Variants in TIAM1 observed in about 807,000 individuals in gnomAD.
TIAM1 encodes TIAM Rac1 associated GEF 1.
In TIAM1, 65 loss-of-function variants were observed where a neutral mutation model predicts 163.5. The observed-to-expected ratio is 0.40, with a 90% CI of 0.33 to 0.49. The LOEUF is 0.49. Ranked by LOEUF, TIAM1 falls within the 20% of genes least tolerant of loss-of-function variation. The pLI is 0.77. For synonymous variants in TIAM1, 833 were observed against 810.1 expected, an observed-to-expected ratio of 1.03 and a Z score of -0.48; for missense variants, 1,789 against 2,044.7, an observed-to-expected ratio of 0.87 and a Z score of 2.41.
At chr21:31,194,020 A>T (rs1030868047) in intron 13 of TIAM1, among the ~76,000 whole-genome samples, 2 of 152,184 alleles carry the variant, frequency 1.3e-5, no homozygotes, top group African/African-American at 4.8e-5. Context: ...TATGTAAATC[A>T]GACACCGCCT....
Position 31,266,864 on chromosome 21 carries a change from G to A in TIAM1, c.109C>T (p.Arg37Trp), listed in dbSNP as rs776137189. The change falls in exon 4 of 28, where the codon CGG (arginine) becomes TGG (tryptophan). Residue 37 changes from arginine (R) to tryptophan (W), a missense_variant. Physicochemically the swap from Arg to Trp is moderately radical, Grantham distance 101. Transcript: ENST00000541036. ...SRSLRLSHKT[R>W]RTRHASSGKV... ...CCCGAGGAAGCGTGCCTGGTCCTCC[G>A]CGTCTTGTGCGAGAGGCGCAGGGAG... is the stretch of plus-strand genomic sequence containing the variant. The A allele has an allele frequency of 2.4e-5, 38 of 1,614,020 alleles. No homozygotes were observed. Among genetic ancestry groups the A allele is most frequent in the Admixed American group, 1.5e-4 (9 of 60,004 alleles).
intron 15 of TIAM1, among the ~76,000 whole-genome samples, chr21:31,176,590 C>T (rs2084775042): frequency 6.6e-6 from 1 of 152,132 alleles, no homozygotes; most frequent in African/African-American, 2.4e-5. Context: ...ATTCAGCAGG[C>T]TTCCCTCGTA....
chr21:31,155,748 G>A (rs531107208), intron 16 of TIAM1, among the ~76,000 whole-genome samples: 12 of 152,180 alleles, frequency 7.9e-5, no homozygotes, highest in Non-Finnish European at 1.5e-4. Context: ...TGATCCACCC[G>A]CCTTGGCCTC....
chr21:31,266,488 G>C lies in TIAM1; in HGVS notation c.485C>G (p.Thr162Arg). 1 of 1,614,152 alleles carries C rather than the reference G, an allele frequency of 6.2e-7. No homozygotes were observed. The highest frequency in any genetic ancestry group is 1.1e-5 in the South Asian group (1 of 91,084). ...YTSNGPTFMETASFKKKRSKS... is the reference protein window; with the variant it reads ...YTSNGPTFMERASFKKKRSKS... ...GGAGCGTTTCTTCTTAAAGCTCGCC[G>C]TCTCCATGAAAGTGGGCCCATTGGA... Residue 162 changes from threonine to arginine, a missense_variant, in exon 4 of 28, where the codon ACG (threonine) becomes AGG (arginine). Physicochemically the swap from Thr to Arg is moderately conservative, Grantham distance 71. This residue lies in a region of TIAM1 where 555 missense variants were observed against 564.9 expected (regional missense o/e 0.98). Coordinates refer to ENST00000541036, the MANE Select transcript of TIAM1 (RefSeq NM_001353694.2).
At chr21:31,241,181 G>C (rs1243739418) in intron 6 of TIAM1, among the ~76,000 whole-genome samples, 1 of 152,088 alleles carries the variant, frequency 6.6e-6, no homozygotes, top group Non-Finnish European at 1.5e-5. Flanking sequence ...CCAGTCTCGG[G>C]TATGTCTTTA....
intron 1 of TIAM1, among the ~76,000 whole-genome samples, chr21:31,501,961 G>A (rs533536674): frequency 5.3e-5 from 8 of 152,260 alleles, no homozygotes; most frequent in East Asian, 3.9e-4. Flanking sequence ...TGGGACCAAC[G>A]GGCTGAATGC....
intron 2 of TIAM1, among the ~76,000 whole-genome samples, chr21:31,396,927 C>T (rs1226292829): frequency 4.6e-5 from 7 of 152,066 alleles, no homozygotes; most frequent in South Asian, 2.1e-4. Flanking sequence ...CCAGCCTGGG[C>T]GACAGAGTGA....
At chr21:31,438,648 C>A (rs781656930) in intron 2 of TIAM1, among the ~76,000 whole-genome samples, 2 of 152,272 alleles carry the variant, frequency 1.3e-5, no homozygotes, top group East Asian at 3.9e-4. Context: ...TGCTCTCTCC[C>A]CCAAGTCCTC....
intron 2 of TIAM1, among the ~76,000 whole-genome samples, chr21:31,439,067 T>C (rs866101397): frequency 3.9e-5 from 6 of 152,208 alleles, no homozygotes; most frequent in Admixed American, 1.3e-4. Flanking sequence ...TTACCTGATG[T>C]CATGCAGGGG....
intron 2 of TIAM1, among the ~76,000 whole-genome samples, chr21:31,318,634 T>C (rs2075206085): frequency 6.6e-6 from 1 of 152,240 alleles, no homozygotes; most frequent in African/African-American, 2.4e-5. Context: ...GTCAATTTTA[T>C]CATGGTAAAG....
At chr21:31,213,330 C>T (rs1428549889) in intron 10 of TIAM1, 68 bp downstream of exon 10, 3 of 1,371,234 alleles carry the variant, frequency 2.2e-6, no homozygotes, top group Non-Finnish European at 3.0e-6. Context: ...CTCAAGACAA[C>T]ACTGCACCAT....
chr21:31,542,234 G>C (rs573717303), intron 1 of TIAM1, among the ~76,000 whole-genome samples: 2 of 152,070 alleles, frequency 1.3e-5, no homozygotes, highest in East Asian at 3.9e-4. Context: ...GACCATCCTG[G>C]CTAACACGGT....
chr21:31,224,368 C>G (rs543932107), intron 7 of TIAM1, among the ~76,000 whole-genome samples: 1 of 152,206 alleles, frequency 6.6e-6, no homozygotes, highest in East Asian at 1.9e-4. Context: ...AAGAAATGGC[C>G]AATAAACAAA....
intron 1 of TIAM1, among the ~76,000 whole-genome samples, chr21:31,510,167 C>T (rs930066640): frequency 2.0e-5 from 3 of 152,200 alleles, no homozygotes; most frequent in African/African-American, 7.2e-5. Context: ...ACAACAGCAA[C>T]TTATTATCTT....
rs2046901765 is a variant in TIAM1 at position 31,503,136 on chromosome 21, T to C, written c.-421-39101A>G. ...AAGGCTGGGTGCGGTGGTTCACGCC[T>C]GTAATCCCAGCACTTTGGGAGGCTG... On this transcript the variant is annotated intron_variant, in intron 1 of 28. Transcript: ENST00000286827. 1.3e-5 allele frequency among the ~76,000 whole-genome samples: 2 copies of C among 152,082 alleles called. 1 individual carries two copies. Among genetic ancestry groups the C allele is most frequent in the South Asian group, 4.1e-4 (2 of 4,834 alleles).
chr21:31,382,697 A>G (rs2076798306), intron 2 of TIAM1, among the ~76,000 whole-genome samples: 1 of 152,208 alleles, frequency 6.6e-6, no homozygotes. Context: ...CATGTCAGTC[A>G]ATTGGTGATA....
At chr21:31,355,566 T>G (rs2076303181) in intron 2 of TIAM1, among the ~76,000 whole-genome samples, 1 of 133,234 alleles carries the variant, frequency 7.5e-6, no homozygotes, top group African/African-American at 2.9e-5. Flanking sequence ...TTTATTTATT[T>G]ATTGAGAAAG....
chr21:31,512,146 G>T (rs1471232360), intron 1 of TIAM1, among the ~76,000 whole-genome samples: 1 of 151,812 alleles, frequency 6.6e-6, no homozygotes, highest in Non-Finnish European at 1.5e-5. Flanking sequence ...GCCCAGGCTG[G>T]AGTACAGTGG....
chr21:31,206,520 G>A (rs1053930171), intron 11 of TIAM1, among the ~76,000 whole-genome samples: 5 of 152,094 alleles, frequency 3.3e-5, no homozygotes, highest in East Asian at 1.9e-4. Context: ...AACATTCAAG[G>A]AAAATTCAGT....
Sources: allele counts gnomAD v4.1 joint callset (sites outside exome capture counted in the v4.1 genomes callset), GRCh38; gene constraint gnomAD v4.1.1; regional missense constraint gnomAD v4.1.1; transcripts MANE v1.5; gene names NCBI Gene and HGNC (gene_info 2026-07-23, HGNC 2026-07-21).